XKR4: variants seen among roughly 807,000 people sequenced by gnomAD.
The protein encoded by XKR4 is XK-related protein 4.
In XKR4, 12 loss-of-function variants were observed where a neutral mutation model predicts 53.9. That is an observed-to-expected ratio of 0.22 (90% CI 0.14 to 0.36). XKR4 has a LOEUF of 0.36. Ranked by LOEUF, XKR4 falls within the 10% of genes least tolerant of loss-of-function variation. The pLI is 1.00. For synonymous variants in XKR4, 354 were observed against 362.4 expected (o/e 0.98, Z 0.26); for missense variants, 799 against 859.5 (o/e 0.93, Z 0.88).
chr8:55,396,421 A>G (rs1434828692), intron 2 of XKR4, among the ~76,000 whole-genome samples: 1 of 11,116 alleles, frequency 9.0e-5, no homozygotes, highest in East Asian at 1.4e-3. Context: ...TTTTTTTTGC[A>G]GAGGATGAAA....
chr8:55,450,871 T>TC, intron 2 of XKR4: 1 of 466,410 alleles, frequency 2.1e-6, no homozygotes, highest in Non-Finnish European at 4.1e-6. Context: ...GTCCAGGAGC[T>TC]CCCCCCTCCC....
At chr8:55,252,672 G>A (rs1016868286) in intron 1 of XKR4, among the ~76,000 whole-genome samples, 5 of 152,168 alleles carry the variant, frequency 3.3e-5, no homozygotes, top group African/African-American at 1.2e-4. Context: ...ACACTGCCTC[G>A]ATGGCCATAT....
In XKR4 at chr8:55,412,762, G is replaced by A. The variant is rs138294487; in HGVS notation, c.1006+54885G>A. On this transcript the variant is annotated intron_variant, in intron 2 of 2. Transcript: ENST00000327381. ...GGAGAACACTCTGAGCTGCTCTCAC[G>A]TTTCTGTTCCCACCATGTGTGTGCA... Among the ~76,000 whole-genome samples, 187 of 152,310 alleles carry A rather than the reference G, an allele frequency of 1.2e-3. 2 individuals carry two copies. The highest frequency in any genetic ancestry group is 4.2e-3 in the African/African-American group (176 of 41,566).
At chr8:55,138,312 T>C (rs1379698267) in intron 1 of XKR4, among the ~76,000 whole-genome samples, 1 of 152,150 alleles carries the variant, frequency 6.6e-6, no homozygotes, top group South Asian at 2.1e-4. Flanking sequence ...CATCTGTTGA[T>C]ACCAAAACCC....
chr8:55,259,587 G>A (rs753210753), intron 1 of XKR4, among the ~76,000 whole-genome samples: 1 of 152,070 alleles, frequency 6.6e-6, no homozygotes, highest in Non-Finnish European at 1.5e-5. Flanking sequence ...GCTTGATGTG[G>A]GGACCCTGGC....
intron 2 of XKR4, among the ~76,000 whole-genome samples, chr8:55,521,238 C>T (rs1806791792): frequency 6.6e-6 from 1 of 152,206 alleles, no homozygotes; most frequent in African/African-American, 2.4e-5. Flanking sequence ...GAGATATGAG[C>T]GGCTTCTATG....
At chr8:55,364,857 C>T (rs1266393538) in intron 2 of XKR4, among the ~76,000 whole-genome samples, 3 of 152,080 alleles carry the variant, frequency 2.0e-5, no homozygotes, top group African/African-American at 7.2e-5. Flanking sequence ...GTCTCCTGAC[C>T]TCTGGTAATC....
At chr8:55,311,251 C>T (rs1251059880) in intron 1 of XKR4, among the ~76,000 whole-genome samples, 1 of 152,222 alleles carries the variant, frequency 6.6e-6, no homozygotes, top group African/African-American at 2.4e-5. Flanking sequence ...ATGGATGACA[C>T]TCACAGTGTC....
intron 2 of XKR4, among the ~76,000 whole-genome samples, chr8:55,512,350 C>T (rs1053974106): frequency 2.0e-5 from 3 of 152,122 alleles, no homozygotes; most frequent in Non-Finnish European, 2.9e-5. Context: ...TACCTGAGTC[C>T]CTTTGTCTGG....
intron 1 of XKR4, among the ~76,000 whole-genome samples, chr8:55,328,215 T>C (rs1803323972): frequency 6.6e-6 from 1 of 152,084 alleles, no homozygotes; most frequent in South Asian, 2.1e-4. Context: ...AGATTTTGGG[T>C]GGGGACTCAG....
intron 1 of XKR4, among the ~76,000 whole-genome samples, chr8:55,177,591 G>T (rs1817252428): frequency 6.6e-6 from 1 of 152,198 alleles, no homozygotes; most frequent in Admixed American, 6.5e-5. Context: ...GTCACAGAGT[G>T]AGCAGGCCTG....
chr8:55,196,173 T>A (rs902689799), intron 1 of XKR4, among the ~76,000 whole-genome samples: 17 of 139,822 alleles, frequency 1.2e-4, no homozygotes, highest in African/African-American at 4.4e-4. Flanking sequence ...TGGTTGTGCT[T>A]CCTTTTTTTT....
rs71256534 is a variant in XKR4, at chr8:55,396,399, G to GTTT, written c.1006+38539_1006+38541dup. ...TTTTTTTGTGTTTTTTTTTTGTTTGGTTTTTTTTTTTTTTTTTTTGCAGAG... is the reference window on the plus strand; with the variant it reads ...TTTTTTTGTGTTTTTTTTTTGTTTGGTTTTTTTTTTTTTTTTTTTTTTGCAGAG... On this transcript the variant is annotated intron_variant, in intron 2 of 2. Transcript: ENST00000327381. Among the ~76,000 whole-genome samples, 39 of 88,732 alleles carry GTTT rather than the reference G, an allele frequency of 4.4e-4. 3 individuals carry two copies. The highest frequency in any genetic ancestry group is 1.5e-3 in the African/African-American group (31 of 20,328). 58.2% of individuals were successfully genotyped at this position (88,732 alleles called of 152,430 possible). A position where few individuals can be genotyped will look rare whatever the true frequency, so the allele number is the denominator to read the frequency against.
intron 2 of XKR4, chr8:55,452,379 A>G (rs1161086798): frequency 3.2e-6 from 2 of 629,518 alleles, no homozygotes; most frequent in African/African-American, 1.8e-5. Flanking sequence ...CGTGAAGATG[A>G]CCCGGTACGT....
intron 2 of XKR4, among the ~76,000 whole-genome samples, chr8:55,411,765 G>A (rs76408205): frequency 2.0e-5 from 3 of 152,194 alleles, no homozygotes; most frequent in Non-Finnish European, 2.9e-5. Flanking sequence ...CCAAGGTGGC[G>A]AAGTGGCCCA....
rs1398028473 is a variant in XKR4, at chr8:55,527,887, A to G, written c.*3660A>G. On this transcript the variant is annotated 3_prime_UTR_variant, in exon 3 of 3. Coordinates refer to ENST00000327381, the MANE Select transcript of XKR4 (RefSeq NM_052898.2). The stretch of plus-strand genomic sequence containing the variant: ...AGGAAGTGATTGCACAGAACAATTA[A>G]AAGTGAATGAGAATAGTTGAAAACT... 1.3e-5 allele frequency: 2 copies of G among 152,204 alleles called. No homozygotes were observed. The highest frequency in any genetic ancestry group is 2.4e-5 in the African/African-American group (1 of 41,460). The allele number at this position is 152,204 out of a possible 1,614,324, so 9.4% of individuals were successfully genotyped here. A position where few individuals can be genotyped will look rare whatever the true frequency, so the allele number is the denominator to read the frequency against.
intron 2 of XKR4, chr8:55,454,706 C>T: frequency 1.2e-6 from 1 of 861,708 alleles, no homozygotes; most frequent in Admixed American, 1.7e-5. Context: ...ACGTGGACGG[C>T]ATAGATGAGG....
intron 2 of XKR4, among the ~76,000 whole-genome samples, chr8:55,422,242 TA>T (rs946927602): frequency 1.6e-4 from 24 of 152,212 alleles, no homozygotes; most frequent in Admixed American, 1.5e-3. Flanking sequence ...CTAAAAGATA[TA>T]AAAAATATAA....
At chr8:55,145,789 A>G (rs887174102) in intron 1 of XKR4, among the ~76,000 whole-genome samples, 2 of 152,254 alleles carry the variant, frequency 1.3e-5, no homozygotes, top group Non-Finnish European at 2.9e-5. Flanking sequence ...ATCTGTTTAC[A>G]TCTTTTCATC....
Sources: allele counts gnomAD v4.1 joint callset (sites outside exome capture counted in the v4.1 genomes callset), GRCh38; gene constraint gnomAD v4.1.1; transcripts MANE v1.5; gene names NCBI Gene and HGNC (gene_info 2026-07-23, HGNC 2026-07-21).